Variants in TRIM71 observed in about 807,000 individuals in gnomAD.
The protein encoded by TRIM71 is E3 ubiquitin-protein ligase TRIM71.
A neutral mutation model predicts 61.2 loss-of-function variants in TRIM71; 9 were observed. The ratio of observed to expected loss-of-function variants is 0.15; its 90% CI spans 0.09 to 0.26. The LOEUF (loss-of-function observed/expected upper bound fraction) is 0.26. TRIM71 is among the 10% of genes least tolerant of loss of function. TRIM71 has a pLI of 1.00. For synonymous variants in TRIM71, 645 were observed against 553.2 expected (o/e 1.17, Z -2.33); for missense variants, 998 against 1,238.7 (o/e 0.81, Z 2.92).
At chr3:32,873,366 C>T (rs1696819096) in intron 1 of TRIM71, among the ~76,000 whole-genome samples, 1 of 152,158 alleles carries the variant, frequency 6.6e-6, no homozygotes, top group African/African-American at 2.4e-5. Flanking sequence ...CTTCACACAT[C>T]TAGGCTAGAG....
In TRIM71 at chr3:32,890,800, T is replaced by C; in HGVS notation, c.1596T>C (p.Asp532=). The C allele has an allele frequency of 6.2e-7, 1 of 1,614,204 alleles. No homozygotes were observed. The highest frequency in any genetic ancestry group is 1.1e-5 in the South Asian group (1 of 91,088). The change falls in exon 4 of 4, where the codon GAT becomes GAC. Residue 532 remains aspartate (D), a synonymous_variant. Transcript: ENST00000383763. The surrounding 1 kb of genome is among the most constrained non-coding windows in gnomAD (Gnocchi z 6.2). ...TGTCGGCTGTGGTCCTGGGCCCTGA[T>C]GGCAACCTGTTTGGTGCAGAGGTGA... ...DLMSAVVLGP[D]GNLFGAEVSD... is the part of the protein sequence containing the mutation.
intron 1 of TRIM71, among the ~76,000 whole-genome samples, chr3:32,871,217 A>G (rs1009664384): frequency 6.6e-5 from 10 of 152,148 alleles, no homozygotes; most frequent in Non-Finnish European, 1.5e-4. Context: ...AAGAGAGGTG[A>G]TTGGACAGAT....
intron 3 of TRIM71, among the ~76,000 whole-genome samples, chr3:32,888,426 A>C (rs1696983162): frequency 8.0e-6 from 1 of 125,206 alleles, no homozygotes; most frequent in Non-Finnish European, 1.6e-5. Flanking sequence ...TTAAGACCCC[A>C]TCTCTACCAA....
intron 1 of TRIM71, among the ~76,000 whole-genome samples, chr3:32,864,784 ATG>A (rs1696712731): frequency 6.6e-6 from 1 of 151,538 alleles, no homozygotes; most frequent in African/African-American, 2.4e-5. Flanking sequence ...CCCACTTGGC[ATG>A]TGTGTTGTCC....
intron 1 of TRIM71, among the ~76,000 whole-genome samples, chr3:32,823,372 CTG>C (rs960809991): frequency 1.3e-5 from 2 of 152,218 alleles, no homozygotes; most frequent in African/African-American, 2.4e-5. Context: ...CTGTCATAAA[CTG>C]TGCTAGTAGT....
rs1295066423 is a variant in TRIM71 at position 32,891,970 on chromosome 3, C to G, written c.*159C>G. 9.4e-7 allele frequency: 1 copy of G among 1,067,854 alleles called. No homozygotes were observed. The highest frequency in any genetic ancestry group is 1.6e-5 in the African/African-American group (1 of 61,216). The allele number at this position is 1,067,854 out of a possible 1,614,324, so 66.1% of individuals were successfully genotyped here. ...TTTAAAGAGAACAAGAAAAGTACAA[C>G]ATTGCTTAAGTCCTACCTCATCTTT... On this transcript the variant is annotated 3_prime_UTR_variant, in exon 4 of 4. Coordinates refer to ENST00000383763, the MANE Select transcript of TRIM71 (RefSeq NM_001039111.3). This position sits in a 1 kb window ranked among gnomAD's most constrained non-coding sequence, Gnocchi z 8.2.
In TRIM71 at chr3:32,896,686, CCAT is replaced by C. The variant is rs923838468; in HGVS notation, c.*4882_*4884del. The C allele has an allele frequency of 6.6e-6, 1 of 152,204 alleles. No individual in the cohort carries two copies. Among genetic ancestry groups the C allele is most frequent in the Admixed American group, 6.5e-5 (1 of 15,288 alleles). 9.4% of individuals were successfully genotyped at this position (152,204 alleles called of 1,614,324 possible). A position where few individuals can be genotyped will look rare whatever the true frequency, so the allele number is the denominator to read the frequency against. ...ACAAGCCAGCCTGGTGGGATATTTTCCATCATCATTTAACCAATAATGGTTCTA... is the reference window on the plus strand; with the variant it reads ...ACAAGCCAGCCTGGTGGGATATTTTCCATCATTTAACCAATAATGGTTCTA... On this transcript the variant is annotated 3_prime_UTR_variant, in exon 4 of 4. Coordinates refer to ENST00000383763, the MANE Select transcript of TRIM71 (RefSeq NM_001039111.3).
At chr3:32,863,596 T>G (rs1255177520) in intron 1 of TRIM71, among the ~76,000 whole-genome samples, 1 of 152,178 alleles carries the variant, frequency 6.6e-6, no homozygotes, top group Non-Finnish European at 1.5e-5. Flanking sequence ...ATAAATGGAG[T>G]TATGCAATAT....
chr3:32,836,336 A>G (rs1032604151), intron 1 of TRIM71, among the ~76,000 whole-genome samples: 12 of 151,364 alleles, frequency 7.9e-5, no homozygotes, highest in Admixed American at 1.3e-4. Flanking sequence ...AGCTTTTCAT[A>G]TGTTTACTGG....
intron 1 of TRIM71, among the ~76,000 whole-genome samples, chr3:32,869,454 C>T (rs941899939): frequency 1.3e-5 from 2 of 152,230 alleles, no homozygotes; most frequent in Non-Finnish European, 2.9e-5. Context: ...ACCTGAAGCT[C>T]ATTCTTTCAG....
In TRIM71 at chr3:32,818,451, T is replaced by C. The variant is rs1387266068; in HGVS notation, c.371T>C (p.Val124Ala). Residue 124 changes from valine to alanine, a missense_variant, in exon 1 of 4, where the codon GTG becomes GCG. By Grantham distance (64) the Val-to-Ala change is moderately conservative (BLOSUM62 0). Around this residue, in one of 5 missense-constraint regions of TRIM71, gnomAD observed 527 missense variants for 427.8 expected, o/e 1.23. Coordinates refer to ENST00000383763, the MANE Select transcript of TRIM71 (RefSeq NM_001039111.3). Reference protein sequence around the residue: ...FLLSNLLDAVVATADEPPPKN... With the variant: ...FLLSNLLDAVAATADEPPPKN... ...CTTAGCAACCTGCTCGACGCGGTGG[T>C]GGCCACTGCCGACGAGCCGCCGCCC... 6.8e-7 allele frequency: 1 copy of C among 1,462,570 alleles called. No homozygotes were observed. Among genetic ancestry groups the C allele is most frequent in the African/African-American group, 1.5e-5 (1 of 67,606 alleles). The allele number at this position is 1,462,570 out of a possible 1,614,324, so 90.6% of individuals were successfully genotyped here.
chr3:32,848,511 A>T (rs1170063864), intron 1 of TRIM71, among the ~76,000 whole-genome samples: 2 of 152,198 alleles, frequency 1.3e-5, no homozygotes, highest in African/African-American at 4.8e-5. Flanking sequence ...CCGAAGAAAT[A>T]AGGGGATTGT....
At chr3:32,857,326 C>G (rs923576306) in intron 1 of TRIM71, among the ~76,000 whole-genome samples, 4 of 152,196 alleles carry the variant, frequency 2.6e-5, no homozygotes, top group Middle Eastern at 6.3e-3. Flanking sequence ...TCTGATTTAC[C>G]TGCTTAGCAC....
At chr3:32,867,781 T>C (rs1208163193) in intron 1 of TRIM71, among the ~76,000 whole-genome samples, 1 of 152,160 alleles carries the variant, frequency 6.6e-6, no homozygotes, top group Non-Finnish European at 1.5e-5. Flanking sequence ...ATAATAACTA[T>C]AGTACCGTGT....
chr3:32,890,255 T>G lies in TRIM71; in HGVS notation c.1156-105T>G. ...GTCTTTTGTAGACCATCCCACAATA[T>G]GTGTTTGTCTGATGCTTCCTTGTGA... On this transcript the variant is annotated intron_variant, in intron 3 of 3. Transcript: ENST00000383763. The surrounding 1 kb of genome is among the most constrained non-coding windows in gnomAD (Gnocchi z 6.2). The G allele has an allele frequency of 7.0e-7, 1 of 1,422,804 alleles. No individual in the cohort carries two copies. The highest frequency in any genetic ancestry group is 1.4e-5 in the South Asian group (1 of 71,974). The allele number at this position is 1,422,804 out of a possible 1,614,324, so 88.1% of individuals were successfully genotyped here.
intron 1 of TRIM71, among the ~76,000 whole-genome samples, chr3:32,852,041 A>T (rs1463632315): frequency 6.6e-6 from 1 of 152,142 alleles, no homozygotes; most frequent in Non-Finnish European, 1.5e-5. Flanking sequence ...AACCCTCTGG[A>T]GCGTGCCCGA....
rs1357593538 is a variant in TRIM71 at position 32,890,316 on chromosome 3, C to T, written c.1156-44C>T. 4 of 1,578,776 alleles carry T rather than the reference C, an allele frequency of 2.5e-6. No individual in the cohort carries two copies. Among genetic ancestry groups the T allele is most frequent in the East Asian group, 2.3e-5 (1 of 44,400 alleles). On this transcript the variant is annotated intron_variant, in intron 3 of 3. Coordinates refer to ENST00000383763, the MANE Select transcript of TRIM71 (RefSeq NM_001039111.3). This position sits in a 1 kb window ranked among gnomAD's most constrained non-coding sequence, Gnocchi z 6.2. ...CTTATGTGGTATTTTCTGTGCTTGG[C>T]TCTAAGCCTCTGTGTCTTTCTCCAC...
At chr3:32,819,397 G>A (rs555588972) in intron 1 of TRIM71, among the ~76,000 whole-genome samples, 1 of 152,292 alleles carries the variant, frequency 6.6e-6, no homozygotes, top group East Asian at 1.9e-4. Context: ...GCCCGGAAGA[G>A]ATGGTTGTGT....
chr3:32,877,303 C>A (rs1054777172), intron 2 of TRIM71, among the ~76,000 whole-genome samples: 1 of 152,036 alleles, frequency 6.6e-6, no homozygotes, highest in African/African-American at 2.4e-5. Flanking sequence ...GGGGTTTCAC[C>A]ATGTTGGTCA....
Sources: allele counts gnomAD v4.1 joint callset (sites outside exome capture counted in the v4.1 genomes callset), GRCh38; gene constraint gnomAD v4.1.1; regional missense constraint gnomAD v4.1.1; non-coding constraint Gnocchi (gnomAD v3.1); transcripts MANE v1.5; gene names NCBI Gene and HGNC (gene_info 2026-07-23, HGNC 2026-07-21).